The following LAMA1 variants were observed in gnomAD, a reference collection of about 807,000 sequenced individuals.
LAMA1 encodes the protein laminin subunit alpha-1.
Under a neutral mutation model 348.7 loss-of-function variants are expected in LAMA1, and 219 were observed. The observed-to-expected ratio is 0.63, with a 90% confidence interval of 0.56 to 0.70. The LOEUF is 0.70. LAMA1 is among the 30% of genes least tolerant of loss of function. The pLI, the probability that LAMA1 is intolerant of heterozygous loss-of-function variation, is 0.00. For synonymous variants in LAMA1, 1,487 were observed against 1,491.0 expected (o/e 1.00, Z 0.06); for missense variants, 3,744 against 3,888.0 (o/e 0.96, Z 0.99).
At chr18:7,002,557 G>A (rs557934310) in intron 29 of LAMA1, among the ~76,000 whole-genome samples, 172 bp from the exon 30 acceptor site, 2 of 152,230 alleles carry the variant, frequency 1.3e-5, no homozygotes, top group African/African-American at 4.8e-5. Flanking sequence ...AACATTTCCC[G>A]CTCTGTGGCT....
intron 61 of LAMA1, 110 bp from the exon 62 acceptor site, chr18:6,943,512 C>A: frequency 1.1e-6 from 1 of 881,664 alleles, no homozygotes; most frequent in Non-Finnish European, 1.9e-6. Context: ...GGAGAGCTAA[C>A]TAGGAGAAAC....
chr18:7,057,842 T>G (rs2058088422), intron 3 of LAMA1, among the ~76,000 whole-genome samples: 1 of 151,720 alleles, frequency 6.6e-6, no homozygotes, highest in Admixed American at 6.6e-5. Context: ...TTGCCCAGGT[T>G]GGAGTGCAGT....
chr18:7,086,008 G>A (rs553007039), intron 1 of LAMA1, among the ~76,000 whole-genome samples: 3 of 152,254 alleles, frequency 2.0e-5, no homozygotes, highest in East Asian at 3.9e-4. Flanking sequence ...TTTTAGGAGG[G>A]TGGCTGGATT....
chr18:6,977,111 G>A (rs1790518), intron 44 of LAMA1, among the ~76,000 whole-genome samples: 30,637 of 152,110 alleles, frequency 0.2, 3,859 homozygotes, highest in African/African-American at 0.35. Flanking sequence ...ATCACATGAC[G>A]ACTGCACATT....
intron 41 of LAMA1, among the ~76,000 whole-genome samples, chr18:6,981,078 G>A (rs1003134674): frequency 2.6e-5 from 4 of 151,772 alleles, no homozygotes. Flanking sequence ...ACTCCAGCCT[G>A]GGCGACGGAG....
chr18:7,102,262 A>G (rs1332705785), intron 1 of LAMA1, among the ~76,000 whole-genome samples: 1 of 152,162 alleles, frequency 6.6e-6, no homozygotes, highest in South Asian at 2.1e-4. Context: ...GTAATAAGTG[A>G]TATTTATCAA....
intron 44 of LAMA1, 117 bp downstream of exon 44, chr18:6,977,610 T>G: frequency 8.6e-7 from 1 of 1,166,500 alleles, no homozygotes; most frequent in Non-Finnish European, 1.2e-6. Flanking sequence ...TATTGGGATC[T>G]GGGTCTTTGG....
At chr18:7,027,185 G>T (rs761741802) in intron 16 of LAMA1, among the ~76,000 whole-genome samples, 2 of 152,184 alleles carry the variant, frequency 1.3e-5, no homozygotes. Context: ...AGCAACAGGT[G>T]GTAGGTTAGA....
In LAMA1 at chr18:6,980,598, T is replaced by A. The variant is rs758038375; in HGVS notation, c.5930A>T (p.Asn1977Ile). The change falls in exon 42 of 63, where the codon AAC becomes ATC. Residue 1977 changes from asparagine to isoleucine, a missense_variant. Transcript: ENST00000389658. ...TTCAACAGCATTCTCTTGAAATCTG[T>A]TTGTCTTATTTCTCAATTCACTCAG... is the stretch of plus-strand genomic sequence containing the variant. ...LELSELRNKT[N>I]RFQENAVEIT... 6.2e-7 allele frequency: 1 copy of A among 1,613,094 alleles called. No individual in the cohort carries two copies. Among genetic ancestry groups the A allele is most frequent in the Admixed American group, 1.7e-5 (1 of 60,010 alleles).
At chr18:7,006,061 C>CGG (rs1411168284) in intron 29 of LAMA1, among the ~76,000 whole-genome samples, 5 of 152,264 alleles carry the variant, frequency 3.3e-5, no homozygotes, top group African/African-American at 1.2e-4. Flanking sequence ...TTACCCAAGG[C>CGG]GAGTTAATCT....
rs1394552879 is a variant in LAMA1, at chr18:6,959,507, T to A, written c.7627-15A>T. 1.2e-5 allele frequency: 19 copies of A among 1,613,982 alleles called. 1 individual carries two copies. In the East Asian group the frequency reaches 2.9e-4, roughly 25 times the overall value. ...GAAAAGAAGGGCTGGGGAGGTTGCATAGAGAATTTCCCAGACAAAACACAT... is the reference window on the plus strand; with the variant it reads ...GAAAAGAAGGGCTGGGGAGGTTGCAAAGAGAATTTCCCAGACAAAACACAT... On this transcript the variant is annotated splice_polypyrimidine_tract_variant and intron_variant, in intron 53 of 62. Coordinates refer to ENST00000389658, the MANE Select transcript of LAMA1 (RefSeq NM_005559.4).
intron 33 of LAMA1, among the ~76,000 whole-genome samples, chr18:6,996,028 T>A (rs987089386): frequency 8.5e-5 from 13 of 152,160 alleles, no homozygotes; most frequent in Non-Finnish European, 1.8e-4. Flanking sequence ...AATCAAATAT[T>A]TGTCTTATTT....
At chr18:7,084,223 T>A (rs2058205923) in intron 1 of LAMA1, among the ~76,000 whole-genome samples, 1 of 152,058 alleles carries the variant, frequency 6.6e-6, no homozygotes, top group Non-Finnish European at 1.5e-5. Flanking sequence ...GAATTTTTTT[T>A]AAAGTCCCTA....
In LAMA1 at chr18:7,011,927, T is replaced by A. The variant is rs2057862171; in HGVS notation, c.3507+68A>T. The A allele has an allele frequency of 3.7e-5, 57 of 1,533,068 alleles. No homozygotes were observed. The Middle Eastern group carries it at 6.5e-4, about 17-fold the overall frequency. The allele number at this position is 1,533,068 out of a possible 1,614,324, so 95.0% of individuals were successfully genotyped here. A position where few individuals can be genotyped will look rare whatever the true frequency, so the allele number is the denominator to read the frequency against. ...TTTAATGTGAACACTTGGCTGTGTT[T>A]CCCACCCCCACCCACCTCCCAGGGG... On this transcript the variant is annotated intron_variant, in intron 24 of 62. Coordinates refer to ENST00000389658, the MANE Select transcript of LAMA1 (RefSeq NM_005559.4).
At chr18:7,112,203 CAAT>C (rs2143838182) in intron 1 of LAMA1, among the ~76,000 whole-genome samples, 1 of 152,318 alleles carries the variant, frequency 6.6e-6, no homozygotes, top group Non-Finnish European at 1.5e-5. Context: ...ACTGCTCTAA[CAAT>C]ACCTTTCTGT....
Position 7,089,333 on chromosome 18 carries a change from C to T in LAMA1, c.62-8876G>A, listed in dbSNP as rs150168908. Among the ~76,000 whole-genome samples the T allele has an allele frequency of 4.3e-3, 631 of 147,524 alleles. 4 individuals carry two copies. The highest frequency in any genetic ancestry group is 0.015 in the African/African-American group (590 of 39,820). Reference sequence around the variant, plus strand: ...GGCGGACATTGCAGTGAGCCAAGATCGTGCCACTGCACTCCAGCCTGGGCA... The same window carrying T: ...GGCGGACATTGCAGTGAGCCAAGATTGTGCCACTGCACTCCAGCCTGGGCA... On this transcript the variant is annotated intron_variant, in intron 1 of 62. Transcript: ENST00000389658.
chr18:6,997,843 C>A lies in LAMA1; in HGVS notation c.4705G>T (p.Asp1569Tyr), dbSNP rs1305229539. The change falls in exon 33 of 63, where the codon GAT becomes TAT. Residue 1569 changes from aspartate (D) to tyrosine (Y), a missense_variant. By Grantham distance (160) the Asp-to-Tyr change is radical (BLOSUM62 -3). Transcript: ENST00000389658. ...ECVGVLLNDL[D>Y]EIGDAVLSLN... ...GAAAGAACGGCATCACCAATCTCAT[C>A]CAAGTCATTCAGCAGCACACCTACA... 1 of 1,614,176 alleles carries A rather than the reference C, an allele frequency of 6.2e-7. No homozygotes were observed. The highest frequency in any genetic ancestry group is 8.5e-7 in the Non-Finnish European group (1 of 1,180,034).
chr18:6,980,657 T>C lies in LAMA1; in HGVS notation c.5891-20A>G, dbSNP rs2057707303. On this transcript the variant is annotated intron_variant, in intron 41 of 62. Transcript: ENST00000389658. ...CAATACCTATTTAAAGGGAGAAAAA[T>C]GTTTCCTTTCAGGTTAGCCTACAAA... The C allele has an allele frequency of 1.3e-6, 2 of 1,505,614 alleles. No individual in the cohort carries two copies. The highest frequency in any genetic ancestry group is 2.3e-5 in the East Asian group (1 of 44,366). The allele number at this position is 1,505,614 out of a possible 1,614,324, so 93.3% of individuals were successfully genotyped here. A position where few individuals can be genotyped will look rare whatever the true frequency, so the allele number is the denominator to read the frequency against.
chr18:6,984,749 A>G (rs560759227), intron 39 of LAMA1, among the ~76,000 whole-genome samples: 1 of 152,352 alleles, frequency 6.6e-6, no homozygotes, highest in Non-Finnish European at 1.5e-5. Context: ...GCAGTAGAAA[A>G]TAATTGGAGG....
Sources: allele counts gnomAD v4.1 joint callset (sites outside exome capture counted in the v4.1 genomes callset), GRCh38; gene constraint gnomAD v4.1.1; transcripts MANE v1.5; gene names NCBI Gene and HGNC (gene_info 2026-07-23, HGNC 2026-07-21).